PLB1: variants seen among roughly 807,000 people sequenced by gnomAD.
PLB1 encodes phospholipase B1, also known as phospholipase B1, membrane-associated.
In PLB1, 242 loss-of-function variants were observed where a neutral mutation model predicts 227.4. The observed-to-expected ratio is 1.06, with a 90% CI of 0.96 to 1.18. The LOEUF (loss-of-function observed/expected upper bound fraction) is 1.18, where lower values mean the gene tolerates loss of function less well. Among genes scored for constraint, PLB1 ranks in the 50% most tolerant of loss-of-function variants. The pLI, the probability that PLB1 is intolerant of heterozygous loss-of-function variation, is 0.00. For synonymous variants in PLB1, 757 were observed against 682.2 expected, an observed-to-expected ratio of 1.11 and a Z score of -1.71; for missense variants, 1,858 against 1,816.3, an observed-to-expected ratio of 1.02 and a Z score of -0.42.
chr2:28,539,320 C>G (rs1672140112), intron 11 of PLB1, 142 bp downstream of exon 11: 1 of 745,106 alleles, frequency 1.3e-6, no homozygotes. Flanking sequence ...CATGCGAGCT[C>G]ACACCCGAGC....
At chr2:28,636,025 G>GTGTATGTGTGTGTA (rs1343814797) in intron 56 of PLB1, among the ~76,000 whole-genome samples, 3 of 123,422 alleles carry the variant, frequency 2.4e-5, no homozygotes, top group Non-Finnish European at 5.5e-5. Flanking sequence ...ATGAATGTGT[G>GTGTATGTGTGTGTA]TGTATGTGTG....
intron 56 of PLB1, among the ~76,000 whole-genome samples, chr2:28,640,381 A>G (rs980498628): frequency 3.9e-5 from 6 of 152,202 alleles, no homozygotes; most frequent in East Asian, 3.8e-4. Flanking sequence ...CTTTTCATCT[A>G]TGTGGAAAAC....
chr2:28,519,972 G>A (rs964058757), intron 4 of PLB1, among the ~76,000 whole-genome samples: 15 of 151,516 alleles, frequency 9.9e-5, no homozygotes, highest in Admixed American at 7.2e-4. Context: ...TCTGTCACCC[G>A]GGCTGGAGTG....
At chr2:28,552,891 A>G (rs766457213) in intron 16 of PLB1, 37 bp from the exon 17 acceptor site, 1 of 1,593,640 alleles carries the variant, frequency 6.3e-7, no homozygotes, top group East Asian at 2.2e-5. Context: ...GTTTAGAAAA[A>G]TCCATTTTCC....
At chr2:28,562,558 A>AAAAAAAAAAAAAAAAAAAG (rs1261725245) in intron 17 of PLB1, among the ~76,000 whole-genome samples, 19 of 147,654 alleles carry the variant, frequency 1.3e-4, no homozygotes, top group Non-Finnish European at 2.1e-4. Context: ...AAAAAAAAAA[A>AAAAAAAAAAAAAAAAAAAG]AGTCAGTGGC....
Position 28,532,105 on chromosome 2 carries a change from C to T in PLB1, c.469-3C>T. 6.2e-7 allele frequency: 1 copy of T among 1,608,494 alleles called. No individual in the cohort carries two copies. The highest frequency in any genetic ancestry group is 8.5e-7 in the Non-Finnish European group (1 of 1,176,596). ...CTTTTCATGCTGTTGCCCTTTTATTCAGCAACTTGACTTTCAATTTGACTG... is the reference window on the plus strand; with the variant it reads ...CTTTTCATGCTGTTGCCCTTTTATTTAGCAACTTGACTTTCAATTTGACTG... On this transcript the variant is annotated splice_region_variant and splice_polypyrimidine_tract_variant and intron_variant, in intron 8 of 57. Transcript: ENST00000327757.
intron 20 of PLB1, among the ~76,000 whole-genome samples, chr2:28,570,395 A>G (rs903763139): frequency 6.6e-6 from 1 of 152,250 alleles, no homozygotes; most frequent in Non-Finnish European, 1.5e-5. Flanking sequence ...GTAATATTCT[A>G]TGTCAATAGG....
At chr2:28,609,401 A>G (rs533094386) in intron 43 of PLB1, among the ~76,000 whole-genome samples, 2 of 151,904 alleles carry the variant, frequency 1.3e-5, no homozygotes, top group South Asian at 2.1e-4. Context: ...TGGATGCTCT[A>G]TCTGGTATAA....
In PLB1 at chr2:28,590,093, G is replaced by T. The variant is rs368783126; in HGVS notation, c.2088+17G>T. ...CCGAACCAGGTAGAGTGGAAAGCAC[G>T]TCCTTCCAGGCTCCGGCTGCACTGG... On this transcript the variant is annotated intron_variant, in intron 29 of 57. Coordinates refer to ENST00000327757, the MANE Select transcript of PLB1 (RefSeq NM_153021.5). The T allele has an allele frequency of 2.5e-6, 4 of 1,594,914 alleles. No individual in the cohort carries two copies.
At position 28,606,494 on chromosome 2, in the gene PLB1, A is replaced by C. The variant is rs1476055115; in HGVS notation, c.3058-2A>C. 10 of 1,613,938 alleles carry C rather than the reference A, an allele frequency of 6.2e-6. No individual in the cohort carries two copies. In the East Asian group the frequency reaches 2.2e-4, roughly 36 times the overall value. ...CGTGTCTCTCTTTTCTTCCCTGATC[A>C]GCTTGAACCACTTGGAAGCAAAACA... On this transcript the variant is annotated splice_acceptor_variant, in intron 42 of 57. Coordinates refer to ENST00000327757, the MANE Select transcript of PLB1 (RefSeq NM_153021.5). LOFTEE classifies it high-confidence loss of function.
chr2:28,511,561 G>A (rs888789220), intron 1 of PLB1, among the ~76,000 whole-genome samples: 11 of 152,136 alleles, frequency 7.2e-5, no homozygotes, highest in Admixed American at 2.0e-4. Context: ...GAGAAGTCAG[G>A]CTGATCTTAA....
chr2:28,590,787 G>C (rs1681770449), intron 29 of PLB1, among the ~76,000 whole-genome samples: 1 of 152,260 alleles, frequency 6.6e-6, no homozygotes, highest in South Asian at 2.1e-4. Context: ...AGGAGCCTGG[G>C]GAGCGGAGAC....
At chr2:28,501,438 C>T (rs1266612990) in intron 1 of PLB1, among the ~76,000 whole-genome samples, 2 of 151,982 alleles carry the variant, frequency 1.3e-5, no homozygotes, top group Non-Finnish European at 2.9e-5. Flanking sequence ...TTTGTTCTTT[C>T]TGTGTAATTA....
At chr2:28,517,969 G>T (rs1669047695) in intron 2 of PLB1, among the ~76,000 whole-genome samples, 1 of 151,278 alleles carries the variant, frequency 6.6e-6, no homozygotes, top group African/African-American at 2.4e-5. Context: ...TCGCCTCCCG[G>T]TTCAAGTGAT....
At chr2:28,591,008 G>T in intron 29 of PLB1, 125 bp from the exon 30 acceptor site, 4 of 1,192,794 alleles carry the variant, frequency 3.4e-6, no homozygotes, top group Non-Finnish European at 5.0e-6. Flanking sequence ...CCTGGTAGAG[G>T]CTGGGCTTGG....
chr2:28,541,248 A>G (rs1284540184), intron 12 of PLB1, among the ~76,000 whole-genome samples: 2 of 152,202 alleles, frequency 1.3e-5, no homozygotes, highest in Non-Finnish European at 2.9e-5. Context: ...CCTCTTAGCA[A>G]ACAGCTCAAA....
intron 1 of PLB1, among the ~76,000 whole-genome samples, chr2:28,511,929 C>T (rs886228319): frequency 6.6e-6 from 1 of 150,730 alleles, no homozygotes; most frequent in Non-Finnish European, 1.5e-5. Flanking sequence ...GGATTACAGG[C>T]ACCTACCACC....
At chr2:28,522,718 G>GC (rs1050388662) in intron 4 of PLB1, among the ~76,000 whole-genome samples, 9 of 152,162 alleles carry the variant, frequency 5.9e-5, no homozygotes, top group African/African-American at 1.7e-4. Flanking sequence ...CTGTCACTCG[G>GC]CCCCCCCTTC....
chr2:28,525,022 A>G (rs554101539), intron 4 of PLB1, among the ~76,000 whole-genome samples: 2 of 151,544 alleles, frequency 1.3e-5, no homozygotes, highest in South Asian at 4.2e-4. Flanking sequence ...TAATTTTTGT[A>G]TTTTTTAGTA....
Sources: allele counts gnomAD v4.1 joint callset (sites outside exome capture counted in the v4.1 genomes callset), GRCh38; gene constraint gnomAD v4.1.1; transcripts MANE v1.5; gene names NCBI Gene and HGNC (gene_info 2026-07-23, HGNC 2026-07-21).